WWOX: variants seen among roughly 807,000 people sequenced by gnomAD.
WWOX encodes WW domain containing oxidoreductase.
WWOX carries 69 observed loss-of-function variants against 46.2 expected under a neutral mutation model. That is an observed-to-expected ratio of 1.49 (90% CI 1.23 to 1.82). The LOEUF is 1.82. WWOX is among the 40% of genes most tolerant of loss of function. The pLI, the probability that WWOX is intolerant of heterozygous loss-of-function variation, is 0.00. For missense variants in WWOX, 919 were observed against 542.6 expected (o/e 1.69, Z -6.89); for synonymous variants, 359 against 202.6 (o/e 1.77, Z -6.56).
At chr16:79,014,624 C>T (rs745872416) in intron 8 of WWOX, among the ~76,000 whole-genome samples, 1 of 152,088 alleles carries the variant, frequency 6.6e-6, no homozygotes, top group Non-Finnish European at 1.5e-5. Context: ...TACTCAGTGC[C>T]TAAGACTTTG....
chr16:79,068,116 C>T (rs987000960), intron 8 of WWOX, among the ~76,000 whole-genome samples: 5 of 152,168 alleles, frequency 3.3e-5, no homozygotes, highest in Non-Finnish European at 7.3e-5. Context: ...ATCCCTAACC[C>T]ATTGTGGACA....
chr16:79,004,239 G>T (rs576732569), intron 8 of WWOX: 1 of 152,176 alleles, frequency 6.6e-6, no homozygotes, highest in Non-Finnish European at 1.5e-5. Flanking sequence ...GCAATAGAAG[G>T]CGCTGCACGG....
At chr16:78,692,361 T>G (rs1300944098) in intron 8 of WWOX, among the ~76,000 whole-genome samples, 3 of 152,308 alleles carry the variant, frequency 2.0e-5, no homozygotes, top group East Asian at 3.9e-4. Flanking sequence ...CCTTACCAGT[T>G]CCCAAAGCTT....
chr16:78,706,472 C>T (rs974925247), intron 8 of WWOX, among the ~76,000 whole-genome samples: 1 of 152,152 alleles, frequency 6.6e-6, no homozygotes, highest in Non-Finnish European at 1.5e-5. Flanking sequence ...TGTTGCTTTC[C>T]TGGGGCTCTT....
intron 5 of WWOX, among the ~76,000 whole-genome samples, chr16:78,381,518 T>G (rs943373636): frequency 6.6e-6 from 1 of 151,416 alleles, no homozygotes; most frequent in Admixed American, 6.6e-5. Context: ...ATGCTTCACA[T>G]GTGGGATGCC....
chr16:79,097,332 G>A (rs2150620268), intron 8 of WWOX, among the ~76,000 whole-genome samples: 1 of 148,780 alleles, frequency 6.7e-6, no homozygotes, highest in South Asian at 2.1e-4. Flanking sequence ...ATGCATATTT[G>A]TATCTGGCTC....
intron 8 of WWOX, among the ~76,000 whole-genome samples, chr16:78,975,365 T>G (rs1322339455): frequency 1.3e-5 from 2 of 151,966 alleles, no homozygotes; most frequent in Admixed American, 6.6e-5. Context: ...ACATCCTACA[T>G]GAACAGGGCA....
At chr16:78,496,294 T>G (rs1302901048) in intron 8 of WWOX, 1 of 152,226 alleles carries the variant, frequency 6.6e-6, no homozygotes, top group Non-Finnish European at 1.5e-5. Context: ...ATCAAGCATA[T>G]GTTTGCAGTC....
At chr16:78,904,364 G>A (rs1259182804) in intron 8 of WWOX, among the ~76,000 whole-genome samples, 1 of 150,832 alleles carries the variant, frequency 6.6e-6, no homozygotes, top group African/African-American at 2.4e-5. Flanking sequence ...TCAGCGTCCT[G>A]AGTAGCTGGG....
chr16:78,603,933 G>A (rs1304078755), intron 8 of WWOX, among the ~76,000 whole-genome samples: 1 of 151,946 alleles, frequency 6.6e-6, no homozygotes, highest in Non-Finnish European at 1.5e-5. Flanking sequence ...CTTGAGCCTA[G>A]GAGTTCAAGA....
At chr16:79,014,260 G>C (rs2047369285) in intron 8 of WWOX, among the ~76,000 whole-genome samples, 1 of 152,186 alleles carries the variant, frequency 6.6e-6, no homozygotes. Flanking sequence ...TGACGCATGG[G>C]ACGGGAGAAT....
chr16:78,895,712 T>G (rs1172690756), intron 8 of WWOX: 1 of 152,212 alleles, frequency 6.6e-6, no homozygotes, highest in African/African-American at 2.4e-5. Flanking sequence ...AAAAAGTTCA[T>G]TGGTCAAATT....
chr16:78,879,147 G>T (rs1247854629), intron 8 of WWOX, among the ~76,000 whole-genome samples: 2 of 152,094 alleles, frequency 1.3e-5, no homozygotes, highest in African/African-American at 4.8e-5. Context: ...GAAAAACGCA[G>T]ATAAGAAAAT....
At chr16:78,336,397 T>A (rs1326752649) in intron 5 of WWOX, among the ~76,000 whole-genome samples, 1 of 149,422 alleles carries the variant, frequency 6.7e-6, no homozygotes, top group East Asian at 2.0e-4. Context: ...TCCCAGCTAT[T>A]TGGGAGGCTG....
Position 78,795,099 on chromosome 16 carries a change from G to A in WWOX, c.1056+362347G>A, listed in dbSNP as rs115508875. On this transcript the variant is annotated intron_variant, in intron 8 of 8. Coordinates refer to ENST00000566780, the MANE Select transcript of WWOX (RefSeq NM_016373.4). ...AGCATATCCTGTTTTCGAGGGTGGT[G>A]TTGGTGGTGGAGGAGGTGATGGTGA... 2.2e-3 allele frequency among the ~76,000 whole-genome samples: 337 copies of A among 152,324 alleles called. 2 individuals carry two copies. The highest frequency in any genetic ancestry group is 7.3e-3 in the African/African-American group (305 of 41,574).
chr16:78,479,961 G>A (rs1240241915), intron 8 of WWOX, among the ~76,000 whole-genome samples: 1 of 152,150 alleles, frequency 6.6e-6, no homozygotes, highest in Admixed American at 6.5e-5. Flanking sequence ...GAGTGTAAAG[G>A]TGAGGATTCC....
chr16:78,907,168 T>C (rs1254074827), intron 8 of WWOX, among the ~76,000 whole-genome samples: 3 of 152,150 alleles, frequency 2.0e-5, no homozygotes, highest in African/African-American at 4.8e-5. Context: ...TGGGTACTGC[T>C]GATGGGCTGT....
rs1043331167 is a variant in WWOX at position 78,322,730 on chromosome 16, G to A, written c.517-64130G>A. ...GGGGCAGGCAAACATTTTCTGTAAG[G>A]GAGAGACAGTATTTTATGCTTTGCA... On this transcript the variant is annotated intron_variant, in intron 5 of 8. Coordinates refer to ENST00000566780, the MANE Select transcript of WWOX (RefSeq NM_016373.4). 3.9e-5 allele frequency among the ~76,000 whole-genome samples: 6 copies of A among 152,292 alleles called. 1 individual carries two copies. The highest frequency in any genetic ancestry group is 1.3e-4 in the Admixed American group (2 of 15,300).
At chr16:79,160,414 C>G (rs997172563) in intron 8 of WWOX, among the ~76,000 whole-genome samples, 3 of 152,108 alleles carry the variant, frequency 2.0e-5, no homozygotes, top group Non-Finnish European at 2.9e-5. Context: ...ATCACAGCAC[C>G]TCAGGATCCT....
Sources: gnomAD v4.1 joint callset for allele counts (sites outside exome capture counted in the v4.1 genomes callset) on GRCh38, gnomAD v4.1.1 for gene constraint, MANE v1.5 for transcripts, NCBI Gene and HGNC (gene_info 2026-07-23, HGNC 2026-07-21) for gene names.